ACTA2: variants seen among roughly 807,000 people sequenced by gnomAD.
ACTA2 encodes the protein actin, aortic smooth muscle.
Under a neutral mutation model 39.5 loss-of-function variants are expected in ACTA2, and 12 were observed. The observed-to-expected ratio is 0.30, with a 90% CI of 0.19 to 0.49. The LOEUF is 0.49. ACTA2 is among the 20% of genes least tolerant of loss of function. The probability of loss-of-function intolerance (pLI) is 0.99; values close to 1 mark genes in which losing one functional copy is unlikely to be tolerated. For missense variants in ACTA2, 236 were observed against 498.8 expected (o/e 0.47, Z 5.02); for synonymous variants, 158 against 180.6 (o/e 0.88, Z 1.00).
At chr10:88,973,147 C>G (rs745323604) in intron 1 of ACTA2, 7 of 1,576,966 alleles carry the variant, frequency 4.4e-6, no homozygotes. Context: ...GCCTCCCAAT[C>G]CTCTCACCTT....
intron 1 of ACTA2, among the ~76,000 whole-genome samples, chr10:88,988,466 T>A (rs1846985521): frequency 6.8e-6 from 1 of 147,048 alleles, no homozygotes; most frequent in Non-Finnish European, 1.5e-5. Flanking sequence ...CCTGTTTTTT[T>A]ACATAGTCAA....
chr10:88,945,259 A>G (rs1013188934), intron 3 of ACTA2, among the ~76,000 whole-genome samples: 2 of 152,228 alleles, frequency 1.3e-5, no homozygotes, highest in Non-Finnish European at 2.9e-5. Flanking sequence ...ATTGATATTG[A>G]TATCTTTTTC....
chr10:88,973,213 G>A, intron 1 of ACTA2: 1 of 1,612,104 alleles, frequency 6.2e-7, no homozygotes, highest in Non-Finnish European at 8.5e-7. Flanking sequence ...ATAATTTCTG[G>A]CACTGCTTTG....
chr10:88,963,286 G>T (rs1269758021), intron 1 of ACTA2, among the ~76,000 whole-genome samples: 1 of 151,910 alleles, frequency 6.6e-6, no homozygotes, highest in Non-Finnish European at 1.5e-5. Context: ...TAATGTCTTA[G>T]TGTAAATTTA....
intron 1 of ACTA2, chr10:88,973,213 G>GC: frequency 6.2e-7 from 1 of 1,612,104 alleles, no homozygotes. Flanking sequence ...ATAATTTCTG[G>GC]CACTGCTTTG....
chr10:88,965,729 A>G (rs1846307714), intron 1 of ACTA2, among the ~76,000 whole-genome samples: 1 of 152,200 alleles, frequency 6.6e-6, no homozygotes, highest in Admixed American at 6.5e-5. Flanking sequence ...AGATTTTCCC[A>G]GGGATTGCTG....
chr10:88,964,717 G>A (rs1846290890), intron 1 of ACTA2, among the ~76,000 whole-genome samples: 4 of 152,114 alleles, frequency 2.6e-5, no homozygotes, highest in Non-Finnish European at 1.5e-5. Context: ...ATATTTTGGG[G>A]TGGCATATTC....
chr10:88,973,513 G>T, intron 1 of ACTA2: 1 of 530,348 alleles, frequency 1.9e-6, no homozygotes, highest in Admixed American at 4.2e-5. Flanking sequence ...TGTGAGGCCA[G>T]GTACCCTGTC....
intron 1 of ACTA2, among the ~76,000 whole-genome samples, chr10:88,959,612 T>G (rs1373096366): frequency 6.6e-6 from 1 of 152,218 alleles, no homozygotes; most frequent in Non-Finnish European, 1.5e-5. Context: ...TACACCTAGT[T>G]TCCCCTAATA....
chr10:88,957,535 C>G (rs12258754), upstream of ACTA2, among the ~76,000 whole-genome samples: 52,441 of 152,032 alleles, frequency 0.34, 10,957 homozygotes, highest in African/African-American at 0.58. Flanking sequence ...CCCCAACTCA[C>G]AACTAATATG....
At chr10:88,935,542 C>A in intron 8 of ACTA2, 176 bp from the exon 9 acceptor site, 1 of 641,044 alleles carries the variant, frequency 1.6e-6, no homozygotes, top group Non-Finnish European at 2.7e-6. Flanking sequence ...GGCAGGACCG[C>A]CAGAGGGAGC....
intron 1 of ACTA2, among the ~76,000 whole-genome samples, chr10:88,978,837 C>G (rs1846637855): frequency 6.6e-6 from 1 of 152,084 alleles, no homozygotes; most frequent in African/African-American, 2.4e-5. Context: ...ACACCTGAAG[C>G]TATTAGAAGC....
chr10:88,986,945 T>A (rs1013319489), intron 1 of ACTA2, among the ~76,000 whole-genome samples: 2 of 152,250 alleles, frequency 1.3e-5, no homozygotes, highest in Non-Finnish European at 2.9e-5. Context: ...GATTTGCATA[T>A]GTCATTTCTT....
At chr10:88,949,856 A>G (rs1229094238) in intron 1 of ACTA2, among the ~76,000 whole-genome samples, 2 of 152,072 alleles carry the variant, frequency 1.3e-5, no homozygotes, top group African/African-American at 4.8e-5. Flanking sequence ...TGGGTTTTAT[A>G]GGTGTTTTTA....
At chr10:88,947,554 CAGTTGATTGGAAAAAGACCTGA>C (rs910181171) in intron 2 of ACTA2, among the ~76,000 whole-genome samples, 168 bp from the exon 3 acceptor site, 4 of 152,174 alleles carry the variant, frequency 2.6e-5, no homozygotes, top group Non-Finnish European at 4.4e-5. Flanking sequence ...CAAAATTCTG[CAGTTGATTGGAAAAAGACCTGA>C]ATTGCCTCCA....
At chr10:88,951,649 G>C (rs1200881302) in intron 1 of ACTA2, among the ~76,000 whole-genome samples, 1 of 152,164 alleles carries the variant, frequency 6.6e-6, no homozygotes, top group Non-Finnish European at 1.5e-5. Flanking sequence ...GTTCGGTTTG[G>C]AGCAAAGCAT....
chr10:88,942,105 C>T (rs910525345), intron 4 of ACTA2, among the ~76,000 whole-genome samples: 2 of 152,168 alleles, frequency 1.3e-5, no homozygotes, highest in African/African-American at 4.8e-5. Context: ...ACAGTGTGCA[C>T]ACAAGGTTTG....
At chr10:88,966,312 C>T (rs933196026) in intron 1 of ACTA2, among the ~76,000 whole-genome samples, 1 of 152,116 alleles carries the variant, frequency 6.6e-6, no homozygotes, top group Non-Finnish European at 1.5e-5. Context: ...GAATGGAGAG[C>T]AGATTTATAG....
At chr10:88,968,096 A>G (rs1251216563) in intron 1 of ACTA2, among the ~76,000 whole-genome samples, 1 of 152,120 alleles carries the variant, frequency 6.6e-6, no homozygotes, top group East Asian at 1.9e-4. Context: ...GCAGAAGTAA[A>G]CTATTCAATT....
Sources: gnomAD v4.1 joint callset for allele counts (sites outside exome capture counted in the v4.1 genomes callset) on GRCh38, gnomAD v4.1.1 for gene constraint, MANE v1.5 for transcripts, NCBI Gene and HGNC (gene_info 2026-07-23, HGNC 2026-07-21) for gene names.